Variants in CYP2C18 observed in about 807,000 individuals in gnomAD.
The protein encoded by CYP2C18 is cytochrome P450 family 2 subfamily C member 18.
Under a neutral mutation model 41.3 loss-of-function variants are expected in CYP2C18, and 38 were observed. The observed-to-expected ratio is 0.92, with a 90% CI of 0.71 to 1.21. The LOEUF is 1.21. Ranked by LOEUF, CYP2C18 falls within the 50% of genes most tolerant of loss-of-function variation. The probability of loss-of-function intolerance (pLI) is 0.00; values close to 1 mark genes in which losing one functional copy is unlikely to be tolerated. For missense variants in CYP2C18, 635 were observed against 591.4 expected (o/e 1.07, Z -0.77); for synonymous variants, 236 against 210.0 (o/e 1.12, Z -1.07).
At chr10:94,723,797 AAG>A (rs1200476637) in intron 6 of CYP2C18, among the ~76,000 whole-genome samples, 1 of 152,144 alleles carries the variant, frequency 6.6e-6, no homozygotes, top group African/African-American at 2.4e-5. Flanking sequence ...AAAAAATAAA[AAG>A]AGAGTCAGTA....
At chr10:94,731,259 A>G (rs1396251526) in intron 7 of CYP2C18, among the ~76,000 whole-genome samples, 1 of 152,144 alleles carries the variant, frequency 6.6e-6, no homozygotes, top group East Asian at 1.9e-4. Context: ...AAGTGCCTGT[A>G]GTCCCAGCTA....
chr10:94,734,547 A>T (rs1847886938), intron 8 of CYP2C18, among the ~76,000 whole-genome samples: 1 of 152,198 alleles, frequency 6.6e-6, no homozygotes. Flanking sequence ...ATAAAGAGGA[A>T]ATGACATGGG....
At chr10:94,711,678 T>TG (rs1274964755) in intron 5 of CYP2C18, among the ~76,000 whole-genome samples, 1 of 152,118 alleles carries the variant, frequency 6.6e-6, no homozygotes, top group East Asian at 1.9e-4. Flanking sequence ...CCGACAGTGC[T>TG]GGGATTTAAG....
intron 7 of CYP2C18, among the ~76,000 whole-genome samples, chr10:94,730,595 C>T (rs1162244614): frequency 6.6e-6 from 1 of 152,108 alleles, no homozygotes; most frequent in Admixed American, 6.6e-5. Flanking sequence ...GGATCTCTTT[C>T]CCAGTTCCAA....
rs192617073 is a variant in CYP2C18 at position 94,700,715 on chromosome 10, A to G, written c.642+5638A>G. Among the ~76,000 whole-genome samples the G allele has an allele frequency of 3.0e-3, 463 of 152,338 alleles. 4 individuals carry two copies. Among genetic ancestry groups the G allele is most frequent in the African/African-American group, 0.011 (450 of 41,574 alleles). On this transcript the variant is annotated intron_variant, in intron 4 of 8. Transcript: ENST00000285979. ...TACAGAATGGGAGAAAATTTTTGCA[A>G]TCTACTCATCTGACAAAAGGCTAAT...
At chr10:94,716,436 T>C (rs904201685) in intron 5 of CYP2C18, among the ~76,000 whole-genome samples, 18 of 152,244 alleles carry the variant, frequency 1.2e-4, no homozygotes, top group Non-Finnish European at 2.4e-4. Context: ...CATTTCATTA[T>C]GTACCCAGTA....
chr10:94,683,995 T>C lies in CYP2C18; in HGVS notation c.168+8T>C, dbSNP rs775937913. On this transcript the variant is annotated splice_region_variant and intron_variant, in intron 1 of 8. Transcript: ENST00000285979. Reference sequence around the variant, plus strand: ...AGCAAATCCTTAACCAATGTAAGTATGCTTTATGTTCCTCCAGTAATGTAC... The same window carrying C: ...AGCAAATCCTTAACCAATGTAAGTACGCTTTATGTTCCTCCAGTAATGTAC... The C allele has an allele frequency of 1.3e-6, 2 of 1,587,890 alleles. No individual in the cohort carries two copies. The highest frequency in any genetic ancestry group is 1.7e-6 in the Non-Finnish European group (2 of 1,163,916).
intron 4 of CYP2C18, among the ~76,000 whole-genome samples, chr10:94,697,527 T>C (rs996931506): frequency 2.5e-4 from 38 of 152,276 alleles, no homozygotes; most frequent in South Asian, 1.9e-3. Flanking sequence ...TGCAAAAACA[T>C]ACCAAATTGT....
At position 94,688,139 on chromosome 10, in the gene CYP2C18, A is replaced by G. The variant is rs1288079065; in HGVS notation, c.346A>G (p.Asn116Asp). ...TGTTCTGCTAGGAATCCTTTTCAGC[A>G]ATGGAAAGAGATGGAAGGAGATCCG... ...VNKGLGILFS[N>D]GKRWKEIRRF... The change falls in exon 3 of 9, where the codon AAT becomes GAT. Residue 116 changes from asparagine (N) to aspartate (D), a missense_variant. Coordinates refer to ENST00000285979, the MANE Select transcript of CYP2C18 (RefSeq NM_000772.3). The G allele has an allele frequency of 3.7e-6, 6 of 1,613,572 alleles. No homozygotes were observed. The South Asian group carries it at 6.6e-5, about 18-fold the overall frequency.
At chr10:94,713,208 T>A (rs2134195844) in intron 5 of CYP2C18, among the ~76,000 whole-genome samples, 1 of 152,242 alleles carries the variant, frequency 6.6e-6, no homozygotes, top group South Asian at 2.1e-4. Flanking sequence ...ATACTTTAAG[T>A]TCTAGGGTAC....
In CYP2C18 at chr10:94,706,948, C is replaced by G; in HGVS notation, c.807C>G (p.Ile269Met). The G allele has an allele frequency of 1.9e-6, 3 of 1,606,080 alleles. No homozygotes were observed. The highest frequency in any genetic ancestry group is 2.5e-6 in the Non-Finnish European group (3 of 1,177,728). ...GGGACTTTATTGATTGTTTCCTGAT[C>G]AAAATGGAACAGGTAAAATGTTATT... ...SARDFIDCFL[I>M]KMEQEKHNQQ... The change falls in exon 5 of 9, where the codon ATC becomes ATG. Residue 269 changes from isoleucine to methionine, a missense_variant. Ile to Met is a conservative substitution (Grantham distance 10). Transcript: ENST00000285979.
chr10:94,725,923 A>G (rs1326831), intron 7 of CYP2C18, among the ~76,000 whole-genome samples: 148,217 of 152,184 alleles, frequency 0.97, 72,204 homozygotes, highest in East Asian at 1. Flanking sequence ...TGTTGGCTTC[A>G]TAAAATAAGG....
In CYP2C18 at chr10:94,724,496, C is replaced by A. The variant is rs893658493; in HGVS notation, c.1112C>A (p.Thr371Asn). Reference sequence around the variant, plus strand: ...CCCACCAACCTGCCCCATGCAGTGACCTGTGATGTTAAATTCAAAAACTAC... The same window carrying A: ...CCCACCAACCTGCCCCATGCAGTGAACTGTGATGTTAAATTCAAAAACTAC... ...LLPTNLPHAV[T>N]CDVKFKNYLI... Residue 371 changes from threonine to asparagine, a missense_variant, in exon 7 of 9, where the codon ACC becomes AAC. Coordinates refer to ENST00000285979, the MANE Select transcript of CYP2C18 (RefSeq NM_000772.3). The A allele has an allele frequency of 5.0e-6, 8 of 1,613,448 alleles. No individual in the cohort carries two copies. Among genetic ancestry groups the A allele is most frequent in the African/African-American group, 1.3e-5 (1 of 74,854 alleles).
chr10:94,724,663 C>A, intron 7 of CYP2C18, 130 bp downstream of exon 7: 1 of 853,474 alleles, frequency 1.2e-6, no homozygotes, highest in Non-Finnish European at 1.9e-6. Context: ...TTTCTGGACT[C>A]TGCTGTTTCC....
At chr10:94,698,564 T>G (rs61050284) in intron 4 of CYP2C18, among the ~76,000 whole-genome samples, 1 of 151,878 alleles carries the variant, frequency 6.6e-6, no homozygotes. Flanking sequence ...CATCACAATT[T>G]AAAAAACTAG....
At chr10:94,721,269 C>T (rs1018233942) in intron 6 of CYP2C18, among the ~76,000 whole-genome samples, 2 of 152,162 alleles carry the variant, frequency 1.3e-5, no homozygotes, top group Non-Finnish European at 2.9e-5. Context: ...CCCACCTTGG[C>T]CTCCCAAAGT....
At position 94,730,645 on chromosome 10, in the gene CYP2C18, A is replaced by G. The variant is rs534083775; in HGVS notation, c.1150-2652A>G. Among the ~76,000 whole-genome samples, 19 of 152,280 alleles carry G rather than the reference A, an allele frequency of 1.2e-4. No homozygotes were observed. The South Asian group carries it at 3.3e-3, about 27-fold the overall frequency. ...AGACCAGGTATGTTTAGAGGCTTCT[A>G]TTTAAAAACTGTCTTCTGGAAGTCC... On this transcript the variant is annotated intron_variant, in intron 7 of 8. Coordinates refer to ENST00000285979, the MANE Select transcript of CYP2C18 (RefSeq NM_000772.3).
At chr10:94,715,657 T>A (rs1847526798) in intron 5 of CYP2C18, among the ~76,000 whole-genome samples, 1 of 152,200 alleles carries the variant, frequency 6.6e-6, no homozygotes, top group South Asian at 2.1e-4. Flanking sequence ...TTCTGTTGTG[T>A]CTCTGTCAGG....
At chr10:94,714,046 T>G (rs1032410815) in intron 5 of CYP2C18, among the ~76,000 whole-genome samples, 4 of 152,190 alleles carry the variant, frequency 2.6e-5, no homozygotes, top group African/African-American at 9.7e-5. Context: ...CTTGTAAATT[T>G]GTTTGAGTTC....
Sources: allele counts gnomAD v4.1 joint callset (sites outside exome capture counted in the v4.1 genomes callset), GRCh38; gene constraint gnomAD v4.1.1; transcripts MANE v1.5; gene names NCBI Gene and HGNC (gene_info 2026-07-23, HGNC 2026-07-21).